The following ATAD2B variants were observed in gnomAD, a reference collection of about 807,000 sequenced individuals.
ATAD2B encodes ATPase family AAA domain containing 2B, also known as ATPase family AAA domain-containing protein 2B.
Under a neutral mutation model 167.6 loss-of-function variants are expected in ATAD2B, and 40 were observed. That is an observed-to-expected ratio of 0.24 (90% CI 0.19 to 0.31). The LOEUF is 0.31. Ranked by LOEUF, ATAD2B falls within the 10% of genes least tolerant of loss-of-function variation. ATAD2B has a pLI of 1.00. For synonymous variants in ATAD2B, 579 were observed against 596.5 expected (o/e 0.97, Z 0.43); for missense variants, 1,242 against 1,757.2 (o/e 0.71, Z 5.24).
intron 1 of ATAD2B, among the ~76,000 whole-genome samples, chr2:23,907,292 GC>G (rs1247731766): frequency 6.6e-6 from 1 of 151,938 alleles, no homozygotes; most frequent in Non-Finnish European, 1.5e-5. Flanking sequence ...AAATCAATGT[GC>G]AAAAATCACA....
At chr2:23,772,686 A>G (rs776798672) in intron 22 of ATAD2B, among the ~76,000 whole-genome samples, 11 of 151,886 alleles carry the variant, frequency 7.2e-5, no homozygotes, top group Non-Finnish European at 1.6e-4. Flanking sequence ...GACAAGGAAT[A>G]TATTCTTTTA....
intron 14 of ATAD2B, 123 bp downstream of exon 14, chr2:23,833,796 A>T: frequency 1.3e-6 from 1 of 755,646 alleles, no homozygotes; most frequent in Non-Finnish European, 2.0e-6. Context: ...TTAAAGCATT[A>T]GCTAAGATAT....
intron 1 of ATAD2B, among the ~76,000 whole-genome samples, chr2:23,905,910 T>C (rs374542014): frequency 1.1e-3 from 175 of 152,342 alleles, no homozygotes; most frequent in African/African-American, 4.0e-3. Flanking sequence ...GGTAAAGGTA[T>C]ATGAAAATAG....
chr2:23,740,738 A>G, the ATAD2B span, among the ~76,000 whole-genome samples: 6 of 152,322 alleles, frequency 3.9e-5, no homozygotes, highest in African/African-American at 1.4e-4. Flanking sequence ...AGGGCATTCG[A>G]TTAGGAAAAG....
chr2:23,719,715 C>T, the ATAD2B span, among the ~76,000 whole-genome samples: 1 of 152,134 alleles, frequency 6.6e-6, no homozygotes, highest in African/African-American at 2.4e-5. Flanking sequence ...AGGTGGACAA[C>T]CAGCTTCCCC....
chr2:23,722,561 G>T, the ATAD2B span, among the ~76,000 whole-genome samples: 1 of 152,026 alleles, frequency 6.6e-6, no homozygotes, highest in Non-Finnish European at 1.5e-5. Flanking sequence ...GAACAAAAAA[G>T]AATGAAGAAG....
intron 16 of ATAD2B, among the ~76,000 whole-genome samples, chr2:23,820,766 G>GA (rs1218359256): frequency 6.6e-6 from 1 of 152,126 alleles, no homozygotes; most frequent in Non-Finnish European, 1.5e-5. Flanking sequence ...CTAACATGGT[G>GA]AAACTCTTGT....
chr2:23,874,349 G>A (rs1452323923), intron 8 of ATAD2B, among the ~76,000 whole-genome samples: 1 of 152,070 alleles, frequency 6.6e-6, no homozygotes, highest in Non-Finnish European at 1.5e-5. Context: ...TGACCTCTGA[G>A]TTGGCAATGG....
intron 19 of ATAD2B, among the ~76,000 whole-genome samples, chr2:23,793,144 T>C (rs564798917): frequency 6.6e-6 from 1 of 152,142 alleles, no homozygotes; most frequent in Non-Finnish European, 1.5e-5. Context: ...TTACTGATTT[T>C]CCCCTCCCAG....
At chr2:23,837,388 G>A (rs1187510528) in intron 13 of ATAD2B, among the ~76,000 whole-genome samples, 1 of 152,130 alleles carries the variant, frequency 6.6e-6, no homozygotes, top group Non-Finnish European at 1.5e-5. Context: ...CCATGACTTG[G>A]GCAGCTGTAG....
chr2:23,864,993 A>G, intron 10 of ATAD2B, 69 bp from the exon 11 acceptor site: 1 of 906,330 alleles, frequency 1.1e-6, no homozygotes. Flanking sequence ...TAAAATTTAT[A>G]AAAGAGTCTT....
intron 17 of ATAD2B, 144 bp downstream of exon 17, chr2:23,819,603 G>A: frequency 8.2e-6 from 5 of 612,892 alleles, no homozygotes; most frequent in South Asian, 8.7e-5. Context: ...AGAATACATA[G>A]TAAAAGTTTT....
intron 2 of ATAD2B, among the ~76,000 whole-genome samples, chr2:23,889,184 A>G (rs1235651220): frequency 6.6e-6 from 1 of 151,984 alleles, no homozygotes; most frequent in Non-Finnish European, 1.5e-5. Flanking sequence ...TTTTCTCCCC[A>G]CAAGACAGAG....
At chr2:23,687,634 A>G in the ATAD2B span, among the ~76,000 whole-genome samples, 15 of 152,194 alleles carry the variant, frequency 9.9e-5, no homozygotes, top group African/African-American at 3.4e-4. Flanking sequence ...TTGTGGTCCA[A>G]GGGCCTGGCT....
At chr2:23,752,428 A>G (rs994280712) in intron 27 of ATAD2B, among the ~76,000 whole-genome samples, 3 of 151,014 alleles carry the variant, frequency 2.0e-5, no homozygotes, top group Non-Finnish European at 4.4e-5. Flanking sequence ...ATTATGCCAG[A>G]TATTTACTAA....
At chr2:23,877,287 C>A (rs1002267175) in intron 7 of ATAD2B, among the ~76,000 whole-genome samples, 5 of 150,734 alleles carry the variant, frequency 3.3e-5, no homozygotes, top group Non-Finnish European at 7.4e-5. Context: ...GGAGTTCGAG[C>A]CAGCCTGACC....
chr2:23,907,520 T>C (rs1289283095), intron 1 of ATAD2B, among the ~76,000 whole-genome samples: 2 of 152,296 alleles, frequency 1.3e-5, no homozygotes, highest in East Asian at 1.9e-4. Flanking sequence ...GAAGAATCAA[T>C]ATCATGAAAA....
chr2:23,926,909 G>C lies in ATAD2B; in HGVS notation c.-139C>G, dbSNP rs1181544832. 9 of 1,024,408 alleles carry C rather than the reference G, an allele frequency of 8.8e-6. No individual in the cohort carries two copies. The highest frequency in any genetic ancestry group is 1.2e-5 in the Non-Finnish European group (9 of 737,110). The allele number at this position is 1,024,408 out of a possible 1,614,324, so 63.5% of individuals were successfully genotyped here. On this transcript the variant is annotated 5_prime_UTR_variant, in exon 1 of 28. Transcript: ENST00000238789. ...GGCCCGGAGCGTGCGGAGCGCAGAC[G>C]AGCACAAGAGAGAGCCGGGCAGAGG...
Position 23,926,722 on chromosome 2 carries a change from G to C in ATAD2B, c.49C>G (p.Pro17Ala). 1 of 1,549,406 alleles carries C rather than the reference G, an allele frequency of 6.5e-7. No homozygotes were observed. Among genetic ancestry groups the C allele is most frequent in the Non-Finnish European group, 8.7e-7 (1 of 1,146,750 alleles). ...SSLRLLGSKS[P>A]GPGPGPGAGA... ...GCCCCAGGCCCAGGCCCGGGACCAGGAGACTTGGACCCGAGAAGGCGGAGA... is the reference window on the plus strand; with the variant it reads ...GCCCCAGGCCCAGGCCCGGGACCAGCAGACTTGGACCCGAGAAGGCGGAGA... The change falls in exon 1 of 28, where the codon CCT becomes GCT. Residue 17 changes from proline to alanine, a missense_variant. This residue lies in a region of ATAD2B where 199 missense variants were observed against 194.9 expected (regional missense o/e 1.02). Coordinates refer to ENST00000238789, the MANE Select transcript of ATAD2B (RefSeq NM_017552.4).
Sources: allele counts gnomAD v4.1 joint callset (sites outside exome capture counted in the v4.1 genomes callset), GRCh38; gene constraint gnomAD v4.1.1; regional missense constraint gnomAD v4.1.1; transcripts MANE v1.5; gene names NCBI Gene and HGNC (gene_info 2026-07-23, HGNC 2026-07-21).